The following SRPK2 variants were observed in gnomAD, a reference collection of about 807,000 sequenced individuals.
The protein encoded by SRPK2 is SFRS protein kinase 2.
SRPK2 carries 21 observed loss-of-function variants against 90.8 expected under a neutral mutation model. The observed-to-expected ratio is 0.23, with a 90% CI of 0.16 to 0.33. SRPK2 has a LOEUF of 0.33. Among genes scored for constraint, SRPK2 ranks in the 10% least tolerant of loss-of-function variants. SRPK2 has a pLI of 1.00. For synonymous variants in SRPK2, 288 were observed against 311.1 expected (o/e 0.93, Z 0.78); for missense variants, 620 against 869.0 (o/e 0.71, Z 3.60).
At chr7:105,126,189 G>C in intron 15 of SRPK2, 59 bp downstream of exon 15, 1 of 1,332,252 alleles carries the variant, frequency 7.5e-7, no homozygotes. Flanking sequence ...GCTAAAATCA[G>C]CAGCTGCTCT....
chr7:105,264,503 T>C (rs1192172495), intron 2 of SRPK2, among the ~76,000 whole-genome samples: 1 of 152,152 alleles, frequency 6.6e-6, no homozygotes, highest in East Asian at 1.9e-4. Flanking sequence ...ACTATGACAC[T>C]TTTTCCCTCT....
At chr7:105,205,511 TCTCTCTCACACACACACA>T (rs1265181736) in intron 2 of SRPK2, among the ~76,000 whole-genome samples, 8 of 64,842 alleles carry the variant, frequency 1.2e-4, no homozygotes, top group African/African-American at 4.6e-4. Flanking sequence ...TCTCTCTCTC[TCTCTCTCACACACACACA>T]CACACACACA....
chr7:105,123,958 G>A (rs1468343675), intron 15 of SRPK2, among the ~76,000 whole-genome samples: 3 of 152,182 alleles, frequency 2.0e-5, no homozygotes, highest in South Asian at 2.1e-4. Context: ...AACTCTGCAG[G>A]TTACCTTCAA....
chr7:105,365,534 C>T (rs1315838620), intron 2 of SRPK2, among the ~76,000 whole-genome samples: 1 of 146,106 alleles, frequency 6.8e-6, no homozygotes, highest in African/African-American at 2.5e-5. Context: ...ATATTTAGGC[C>T]AGGTGCAATG....
chr7:105,174,913 G>A (rs1791635146), intron 3 of SRPK2, among the ~76,000 whole-genome samples: 1 of 152,172 alleles, frequency 6.6e-6, no homozygotes, highest in Non-Finnish European at 1.5e-5. Flanking sequence ...GGAGGCCGAG[G>A]CAGGTGGATC....
At chr7:105,351,272 T>C (rs986949040) in intron 2 of SRPK2, among the ~76,000 whole-genome samples, 5 of 151,960 alleles carry the variant, frequency 3.3e-5, no homozygotes, top group African/African-American at 1.2e-4. Context: ...AGGTCCTCAT[T>C]AGATGCACCC....
At chr7:105,133,169 T>A in intron 11 of SRPK2, 65 bp from the exon 12 acceptor site, 6 of 1,457,672 alleles carry the variant, frequency 4.1e-6, no homozygotes, top group Non-Finnish European at 5.8e-6. Flanking sequence ...GTGAGCACAG[T>A]GTTTGCCAGG....
intron 2 of SRPK2, among the ~76,000 whole-genome samples, chr7:105,326,003 G>C (rs1414814217): frequency 6.6e-6 from 1 of 152,202 alleles, no homozygotes; most frequent in African/African-American, 2.4e-5. Flanking sequence ...GTCCCCTGCC[G>C]GCGGGACACT....
chr7:105,256,080 T>C (rs1043375502), intron 2 of SRPK2, among the ~76,000 whole-genome samples: 2 of 152,198 alleles, frequency 1.3e-5, no homozygotes, highest in African/African-American at 2.4e-5. Flanking sequence ...ATGCCTCAAA[T>C]GTCAGAAAAA....
chr7:105,289,136 TG>T (rs1308167240), intron 2 of SRPK2, among the ~76,000 whole-genome samples: 1 of 144,604 alleles, frequency 6.9e-6, no homozygotes, highest in East Asian at 2.0e-4. Context: ...TAGCCGGGCA[TG>T]GTGGCAGGAG....
At chr7:105,332,905 A>G (rs766511195) in intron 2 of SRPK2, 2 of 152,062 alleles carry the variant, frequency 1.3e-5, no homozygotes, top group Non-Finnish European at 2.9e-5. Flanking sequence ...TTTTTACATA[A>G]AAAAATAAGG....
intron 2 of SRPK2, among the ~76,000 whole-genome samples, chr7:105,291,688 C>T (rs1809045965): frequency 6.6e-6 from 1 of 152,058 alleles, no homozygotes; most frequent in Non-Finnish European, 1.5e-5. Context: ...CAAGATGGCA[C>T]CACTGCACTC....
intron 2 of SRPK2, among the ~76,000 whole-genome samples, chr7:105,355,610 T>A (rs1817692054): frequency 6.6e-6 from 1 of 152,078 alleles, no homozygotes; most frequent in African/African-American, 2.4e-5. Context: ...GCCATGATAA[T>A]GTCACTGTGT....
At chr7:105,388,592 G>T in intron 2 of SRPK2, 56 bp downstream of exon 2, 1 of 1,501,058 alleles carries the variant, frequency 6.7e-7, no homozygotes, top group Middle Eastern at 2.4e-4. Flanking sequence ...GCGCGGCCGC[G>T]GGCGCCCCCG....
chr7:105,171,418 C>A (rs984309455), intron 3 of SRPK2, among the ~76,000 whole-genome samples: 2 of 152,112 alleles, frequency 1.3e-5, no homozygotes, highest in East Asian at 1.9e-4. Context: ...ACTTTGGAAA[C>A]AGATTTTTCA....
At chr7:105,335,936 A>C (rs1815047598) in intron 2 of SRPK2, among the ~76,000 whole-genome samples, 1 of 152,068 alleles carries the variant, frequency 6.6e-6, no homozygotes, top group South Asian at 2.1e-4. Flanking sequence ...AGCCTGGGCA[A>C]CTAGAGCAAA....
At chr7:105,247,531 AAC>A (rs59040708) in intron 2 of SRPK2, among the ~76,000 whole-genome samples, 8,112 of 145,198 alleles carry the variant, frequency 0.056, 455 homozygotes, top group East Asian at 0.34. Flanking sequence ...CACACACATA[AAC>A]ACACACACAC....
At chr7:105,367,762 G>A (rs1407892473) in intron 2 of SRPK2, among the ~76,000 whole-genome samples, 2 of 152,102 alleles carry the variant, frequency 1.3e-5, no homozygotes, top group Non-Finnish European at 2.9e-5. Context: ...CACATTTTGT[G>A]TACATTTCAT....
At chr7:105,361,927 A>G (rs1184618310) in intron 2 of SRPK2, among the ~76,000 whole-genome samples, 1 of 150,270 alleles carries the variant, frequency 6.7e-6, no homozygotes, top group Non-Finnish European at 1.5e-5. Flanking sequence ...CAAGGACTTC[A>G]TGACTAAAAC....
Sources: allele counts gnomAD v4.1 joint callset (sites outside exome capture counted in the v4.1 genomes callset), GRCh38; gene constraint gnomAD v4.1.1; transcripts MANE v1.5; gene names NCBI Gene and HGNC (gene_info 2026-07-23, HGNC 2026-07-21).